CYP27C1: variants seen among roughly 807,000 people sequenced by gnomAD.
CYP27C1 encodes the protein cytochrome P450 27C1.
In CYP27C1, 29 loss-of-function variants were observed where a neutral mutation model predicts 40.6. The observed-to-expected ratio is 0.71, with a 90% confidence interval of 0.53 to 0.97. The LOEUF (loss-of-function observed/expected upper bound fraction) is 0.97, where lower values mean the gene tolerates loss of function less well. Ranked by LOEUF, CYP27C1 falls within the 50% of genes least tolerant of loss-of-function variation. CYP27C1 has a pLI of 0.00. For synonymous variants in CYP27C1, 198 were observed against 186.8 expected (o/e 1.06, Z -0.49); for missense variants, 390 against 485.8 (o/e 0.80, Z 1.85).
intron 1 of CYP27C1, among the ~76,000 whole-genome samples, chr2:127,210,434 T>C (rs1192899346): frequency 6.6e-6 from 1 of 152,088 alleles, no homozygotes; most frequent in South Asian, 2.1e-4. Flanking sequence ...CCAATGACAC[T>C]ACGAAGAAAC....
At position 127,203,413 on chromosome 2, in the gene CYP27C1, A is replaced by G; in HGVS notation, c.632T>C (p.Val211Ala). 1 of 1,613,726 alleles carries G rather than the reference A, an allele frequency of 6.2e-7. No homozygotes were observed. The highest frequency in any genetic ancestry group is 1.1e-5 in the South Asian group (1 of 90,898). The change falls in exon 3 of 9, where the codon GTG becomes GCG. Residue 211 changes from valine to alanine, a missense_variant. By Grantham distance (64) the Val-to-Ala change is moderately conservative. Transcript: ENST00000664447. ...GAAGAAAAGATCATTGACATTGGTC[A>G]CGGTTTCTCCATCTTCTGCCTGGCT... ...LRSQAEDGET[V>A]TNVNDLFFKY... is the part of the protein sequence containing the mutation.
Position 127,201,051 on chromosome 2 carries a change from G to C in CYP27C1, c.883+71C>G. The C allele has an allele frequency of 7.0e-7, 1 of 1,438,782 alleles. No homozygotes were observed. The highest frequency in any genetic ancestry group is 9.7e-7 in the Non-Finnish European group (1 of 1,031,630). The allele number at this position is 1,438,782 out of a possible 1,614,324, so 89.1% of individuals were successfully genotyped here. ...CTCTGCTATGGTCACCCATTGTCTG[G>C]ATGAGAGTTAGACACACAACACGGC... On this transcript the variant is annotated intron_variant, in intron 4 of 8. Coordinates refer to ENST00000664447, the MANE Select transcript of CYP27C1 (RefSeq NM_001367502.1). The surrounding 1 kb of genome is among the most constrained non-coding windows in gnomAD (Gnocchi z 6.0).
At chr2:127,190,717 C>CAG (rs1249382106) in intron 8 of CYP27C1, among the ~76,000 whole-genome samples, 1 of 145,888 alleles carries the variant, frequency 6.9e-6, no homozygotes, top group African/African-American at 2.5e-5. Context: ...GAGGCCGAGG[C>CAG]GATGGATCAC....
chr2:127,219,411 C>T lies in CYP27C1; in HGVS notation c.282+578G>A, dbSNP rs1206718696. The stretch of plus-strand genomic sequence containing the variant: ...CATTCCTGGTTTCCCTTCGCGGCGC[C>T]CCCTCCCCAGGTTCCCCAACCAGGC... On this transcript the variant is annotated intron_variant, in intron 1 of 8. Transcript: ENST00000664447. The surrounding 1 kb of genome is among the most constrained non-coding windows in gnomAD (Gnocchi z 8.7). Among the ~76,000 whole-genome samples, 3 of 151,990 alleles carry T rather than the reference C, an allele frequency of 2.0e-5. No homozygotes were observed. Among genetic ancestry groups the T allele is most frequent in the African/African-American group, 7.2e-5 (3 of 41,390 alleles).
chr2:127,193,319 G>C, intron 7 of CYP27C1, 22 bp from the exon 8 acceptor site: 1 of 1,612,820 alleles, frequency 6.2e-7, no homozygotes, highest in Non-Finnish European at 8.5e-7. Context: ...AGGGATGACA[G>C]AAAAGGGAAA....
rs1683490003 is a variant in CYP27C1, at chr2:127,218,697, T to C, written c.282+1292A>G. On this transcript the variant is annotated intron_variant, in intron 1 of 8. Transcript: ENST00000664447. The surrounding 1 kb of genome is among the most constrained non-coding windows in gnomAD (Gnocchi z 6.0). Reference sequence around the variant, plus strand: ...GCCCAGGTGGGTAGTTAGAAGAGGCTTCGATGGAGAAGGGTCTCGAAAGAC... The same window carrying C: ...GCCCAGGTGGGTAGTTAGAAGAGGCCTCGATGGAGAAGGGTCTCGAAAGAC... 1.3e-5 allele frequency among the ~76,000 whole-genome samples: 2 copies of C among 152,084 alleles called. No individual in the cohort carries two copies. The highest frequency in any genetic ancestry group is 2.9e-5 in the Non-Finnish European group (2 of 68,018).
chr2:127,198,058 G>A lies in CYP27C1; in HGVS notation c.1047+1318C>T, dbSNP rs570576454. ...CTGGTCTGCCTCTTCCTTTCCCATC[G>A]GATAGCCTGTGGGTTCCCCCCAGGT... On this transcript the variant is annotated intron_variant, in intron 5 of 8. Transcript: ENST00000664447. 2.1e-3 allele frequency among the ~76,000 whole-genome samples: 312 copies of A among 152,130 alleles called. 1 individual carries two copies. Among genetic ancestry groups the A allele is most frequent in the Admixed American group, 3.3e-3 (50 of 15,260 alleles).
chr2:127,187,978 A>G (rs893917584), intron 8 of CYP27C1, among the ~76,000 whole-genome samples: 6 of 152,192 alleles, frequency 3.9e-5, no homozygotes, highest in African/African-American at 1.4e-4. Flanking sequence ...ATGTACCTAC[A>G]CGGTGAGTTT....
intron 1 of CYP27C1, among the ~76,000 whole-genome samples, chr2:127,211,054 A>T (rs887240334): frequency 2.0e-5 from 3 of 152,224 alleles, no homozygotes; most frequent in Non-Finnish European, 2.9e-5. Context: ...CCAAATCAAC[A>T]GAATATACAT....
chr2:127,216,546 G>A (rs1683433910), intron 1 of CYP27C1, among the ~76,000 whole-genome samples: 1 of 152,134 alleles, frequency 6.6e-6, no homozygotes, highest in Non-Finnish European at 1.5e-5. Flanking sequence ...AAAGCAGGGG[G>A]AATAGGAGAG....
chr2:127,205,726 CCCAGCAGGGCTCTCATGTCT>C lies in CYP27C1; in HGVS notation c.473+154_473+173del, dbSNP rs1370184290. 5.1e-6 allele frequency: 5 copies of C among 985,416 alleles called. No individual in the cohort carries two copies. In the African/African-American group the frequency reaches 8.7e-5, roughly 17 times the overall value. The allele number at this position is 985,416 out of a possible 1,614,324, so 61.0% of individuals were successfully genotyped here. ...TCTGCACGGAGGAGGAGCCAGAAAG[CCCAGCAGGGCTCTCATGTCT>C]GGGAGATCGCACAAGGAGACTGTCT... On this transcript the variant is annotated intron_variant, in intron 2 of 8. Coordinates refer to ENST00000664447, the MANE Select transcript of CYP27C1 (RefSeq NM_001367502.1).
rs2104705128 is a variant in CYP27C1 at position 127,219,435 on chromosome 2, G to T, written c.282+554C>A. Among the ~76,000 whole-genome samples, 1 of 151,700 alleles carries T rather than the reference G, an allele frequency of 6.6e-6. No homozygotes were observed. The highest frequency in any genetic ancestry group is 1.5e-5 in the Non-Finnish European group (1 of 67,844). The stretch of plus-strand genomic sequence containing the variant: ...CCCCCTCCCCAGGTTCCCCAACCAG[G>T]CAATCCCTGCCTGGGTCCCTCCCCG... On this transcript the variant is annotated intron_variant, in intron 1 of 8. Coordinates refer to ENST00000664447, the MANE Select transcript of CYP27C1 (RefSeq NM_001367502.1). This position sits in a 1 kb window ranked among gnomAD's most constrained non-coding sequence, Gnocchi z 8.7.
intron 5 of CYP27C1, among the ~76,000 whole-genome samples, chr2:127,198,211 A>ACACACACACG (rs1276568709): frequency 2.0e-5 from 3 of 151,244 alleles, no homozygotes; most frequent in African/African-American, 4.9e-5. Context: ...ACACACACAC[A>ACACACACACG]CACGCACTCA....
At chr2:127,205,544 T>C (rs907527024) in intron 2 of CYP27C1, 2 of 359,086 alleles carry the variant, frequency 5.6e-6, no homozygotes, top group Non-Finnish European at 7.8e-6. Flanking sequence ...CCTGAAATAG[T>C]GACCACCTCC....
chr2:127,208,367 T>G lies in CYP27C1; in HGVS notation c.283-2277A>C, dbSNP rs1683272882. ...AAACTGTGCTTTTTCCACAGAACTG[T>G]GCAACCTACAGGTCAGAAGATCCCA... On this transcript the variant is annotated intron_variant, in intron 1 of 8. Transcript: ENST00000664447. The surrounding 1 kb of genome is among the most constrained non-coding windows in gnomAD (Gnocchi z 5.2). 6.6e-6 allele frequency among the ~76,000 whole-genome samples: 1 copy of G among 152,192 alleles called. No individual in the cohort carries two copies. The highest frequency in any genetic ancestry group is 6.5e-5 in the Admixed American group (1 of 15,290).
rs773013394 is a variant in CYP27C1, at chr2:127,201,314, A to G, written c.691T>C (p.Tyr231His). ...TCCAGGCAGCCCAAACGACTCTCATAAAGGATGGTGGCCACTCCTAGACAG... is the reference window on the plus strand; with the variant it reads ...TCCAGGCAGCCCAAACGACTCTCATGAAGGATGGTGGCCACTCCTAGACAG... The part of the protein sequence containing the change: ...YSMEGVATIL[Y>H]ESRLGCLENS... The change falls in exon 4 of 9, where the codon TAT becomes CAT. Residue 231 changes from tyrosine to histidine, a missense_variant. Tyr to His is a moderately conservative substitution (Grantham distance 83). Transcript: ENST00000664447. This position sits in a 1 kb window ranked among gnomAD's most constrained non-coding sequence, Gnocchi z 6.0. 1.2e-6 allele frequency: 2 copies of G among 1,614,098 alleles called. No homozygotes were observed. Among genetic ancestry groups the G allele is most frequent in the Non-Finnish European group, 1.7e-6 (2 of 1,179,998 alleles).
chr2:127,193,269 G>A lies in CYP27C1; in HGVS notation c.1322C>T (p.Thr441Ile), dbSNP rs777799567. The change falls in exon 8 of 9, where the codon ACA becomes ATA. Residue 441 changes from threonine (T) to isoleucine (I), a missense_variant. Transcript: ENST00000664447. ...GTQLALCHYA[T>I]SYQDENFPRA... ...AGGGAAGTTCTCATCCTGGTACGATGTGGCATAGTGGCAAAGGGCCAGCTG... is the reference window on the plus strand; with the variant it reads ...AGGGAAGTTCTCATCCTGGTACGATATGGCATAGTGGCAAAGGGCCAGCTG... 1 of 1,614,226 alleles carries A rather than the reference G, an allele frequency of 6.2e-7. No individual in the cohort carries two copies. The highest frequency in any genetic ancestry group is 8.5e-7 in the Non-Finnish European group (1 of 1,180,040).
In CYP27C1 at chr2:127,187,192, A is replaced by T; in HGVS notation, c.*79T>A. On this transcript the variant is annotated 3_prime_UTR_variant, in exon 9 of 9. Transcript: ENST00000664447. Reference sequence around the variant, plus strand: ...TTTAGCGACATCGCTTTCCTTCTCCACGGTGATCAGCGAACACAAATACCC... The same window carrying T: ...TTTAGCGACATCGCTTTCCTTCTCCTCGGTGATCAGCGAACACAAATACCC... The T allele has an allele frequency of 8.9e-7, 1 of 1,120,586 alleles. No individual in the cohort carries two copies. Among genetic ancestry groups the T allele is most frequent in the Non-Finnish European group, 1.3e-6 (1 of 781,764 alleles). The allele number at this position is 1,120,586 out of a possible 1,614,324, so 69.4% of individuals were successfully genotyped here.
intron 2 of CYP27C1, among the ~76,000 whole-genome samples, chr2:127,204,545 G>GAA (rs1558931292): frequency 9.1e-5 from 7 of 76,876 alleles, no homozygotes; most frequent in Non-Finnish European, 1.0e-4. Context: ...AAGAGAGAGA[G>GAA]AGAGAGAGAG....
Sources: gnomAD v4.1 joint callset for allele counts (sites outside exome capture counted in the v4.1 genomes callset) on GRCh38, gnomAD v4.1.1 for gene constraint, Gnocchi (gnomAD v3.1) non-coding constraint, MANE v1.5 for transcripts, NCBI Gene and HGNC (gene_info 2026-07-23, HGNC 2026-07-21) for gene names.